Variants in RYR3 observed in about 807,000 individuals in gnomAD.
The protein encoded by RYR3 is brain ryanodine receptor-calcium release channel.
Under a neutral mutation model 584.3 loss-of-function variants are expected in RYR3, and 207 were observed. That is an observed-to-expected ratio of 0.35 (90% CI 0.32 to 0.40). The LOEUF is 0.40. RYR3 is among the 10% of genes least tolerant of loss of function. The probability of loss-of-function intolerance (pLI) is 1.00; values close to 1 mark genes in which losing one functional copy is unlikely to be tolerated. For missense variants in RYR3, 5,616 were observed against 6,089.2 expected (o/e 0.92, Z 2.59); for synonymous variants, 2,416 against 2,248.5 (o/e 1.07, Z -2.11).
chr15:33,313,602 T>C (rs77888814), intron 1 of RYR3, among the ~76,000 whole-genome samples: 1,545 of 152,332 alleles, frequency 0.01, 13 homozygotes, highest in Non-Finnish European at 0.014. Context: ...CACTTTGAAC[T>C]CACTCAGTTA....
intron 96 of RYR3, among the ~76,000 whole-genome samples, chr15:33,854,173 G>A (rs11629862): frequency 0.89 from 133,033 of 149,306 alleles, 60,051 homozygotes; most frequent in East Asian, 1. Flanking sequence ...TCCAGCCTGG[G>A]TGATAGAGTG....
At chr15:33,330,755 A>G (rs1970283436) in intron 1 of RYR3, among the ~76,000 whole-genome samples, 1 of 152,208 alleles carries the variant, frequency 6.6e-6, no homozygotes, top group South Asian at 2.1e-4. Context: ...GCTGCTACTC[A>G]GAGGTACTCT....
At chr15:33,503,393 C>G (rs745398992) in intron 2 of RYR3, among the ~76,000 whole-genome samples, 36 of 152,294 alleles carry the variant, frequency 2.4e-4, no homozygotes, top group Non-Finnish European at 5.0e-4. Context: ...ACCAGCCTTC[C>G]CTCAAGTCGA....
intron 43 of RYR3, among the ~76,000 whole-genome samples, chr15:33,717,253 A>G (rs1038441428): frequency 2.6e-5 from 4 of 152,152 alleles, no homozygotes; most frequent in Admixed American, 6.5e-5. Context: ...AGACTTGTAT[A>G]TCTTGGTTAT....
At chr15:33,457,765 G>A (rs1034072221) in intron 1 of RYR3, among the ~76,000 whole-genome samples, 18 of 152,100 alleles carry the variant, frequency 1.2e-4, no homozygotes, top group African/African-American at 3.6e-4. Context: ...GTGAGGTGGT[G>A]GATACGCTAA....
At chr15:33,500,981 G>A (rs1212890807) in intron 2 of RYR3, among the ~76,000 whole-genome samples, 3 of 152,148 alleles carry the variant, frequency 2.0e-5, no homozygotes, top group African/African-American at 4.8e-5. Context: ...TGTTTTGGGT[G>A]CTGTTGGAGT....
Position 33,857,816 on chromosome 15 carries a change from T to C in RYR3, c.14044T>C (p.Tyr4682His). ...TGTCGGTCTCCTGGCCGTGGTGGTT[T>C]ATCTCTATACTGTGGTGGCTTTCAA... ...LTVGLLAVVV[Y>H]LYTVVAFNFF... Residue 4682 changes from tyrosine to histidine, a missense_variant, in exon 99 of 104, where the codon TAT (tyrosine) becomes CAT (histidine). Coordinates refer to ENST00000634891, the MANE Select transcript of RYR3 (RefSeq NM_001036.6). 1 of 1,614,220 alleles carries C rather than the reference T, an allele frequency of 6.2e-7. No homozygotes were observed. Among genetic ancestry groups the C allele is most frequent in the South Asian group, 1.1e-5 (1 of 91,086 alleles).
At chr15:33,717,544 T>C (rs1313398941) in intron 43 of RYR3, among the ~76,000 whole-genome samples, 1 of 152,200 alleles carries the variant, frequency 6.6e-6, no homozygotes, top group Non-Finnish European at 1.5e-5. Context: ...GGCCACTTTC[T>C]ACTCCAAGTT....
intron 75 of RYR3, 46 bp downstream of exon 75, chr15:33,817,004 T>C: frequency 8.5e-7 from 1 of 1,181,030 alleles, no homozygotes; most frequent in Non-Finnish European, 1.2e-6. Context: ...TGGATGAATT[T>C]GATTTTCGAA....
intron 11 of RYR3, among the ~76,000 whole-genome samples, chr15:33,566,237 C>T (rs1276394433): frequency 6.6e-6 from 1 of 152,210 alleles, no homozygotes; most frequent in Non-Finnish European, 1.5e-5. Context: ...GTTGAGAAAC[C>T]AAGCCTAATC....
intron 21 of RYR3, 59 bp downstream of exon 21, chr15:33,628,634 GTTC>G: frequency 2.8e-6 from 3 of 1,067,260 alleles, no homozygotes; most frequent in South Asian, 2.6e-5. Context: ...GCCTGGAACT[GTTC>G]TTCCTGCTGC....
intron 8 of RYR3, 127 bp from the exon 9 acceptor site, chr15:33,548,003 C>G (rs940004737): frequency 1.5e-6 from 1 of 670,450 alleles, no homozygotes; most frequent in Non-Finnish European, 2.6e-6. Flanking sequence ...TCTGGCTTTG[C>G]ATTCTGCTGA....
intron 84 of RYR3, 145 bp downstream of exon 84, chr15:33,826,897 C>G (rs1009184034): frequency 2.2e-5 from 15 of 682,620 alleles, no homozygotes; most frequent in Admixed American, 2.1e-4. Context: ...ATGTAAATAT[C>G]ATGGCTAGTG....
chr15:33,553,626 A>G (rs949557934), intron 10 of RYR3, among the ~76,000 whole-genome samples: 1 of 152,120 alleles, frequency 6.6e-6, no homozygotes, highest in African/African-American at 2.4e-5. Context: ...GATCTTGATC[A>G]AGGTCCTCCT....
chr15:33,845,119 T>A lies in RYR3; in HGVS notation c.13497+57T>A, dbSNP rs910925198. ...ACTCCTTGAGGAAGAAATGTCCTTTTTGAGCCCAGCCAGCCCTTTGCTCTA... is the reference window on the plus strand; with the variant it reads ...ACTCCTTGAGGAAGAAATGTCCTTTATGAGCCCAGCCAGCCCTTTGCTCTA... On this transcript the variant is annotated intron_variant, in intron 93 of 103. Transcript: ENST00000634891. The A allele has an allele frequency of 1.9e-6, 3 of 1,576,110 alleles. No individual in the cohort carries two copies. In the African/African-American group the frequency reaches 4.0e-5, roughly 21 times the overall value.
At chr15:33,843,348 G>T in intron 91 of RYR3, 140 bp from the exon 92 acceptor site, 2 of 601,386 alleles carry the variant, frequency 3.3e-6, no homozygotes, top group South Asian at 2.0e-5. Context: ...GAATGCCAGG[G>T]TTACCCTAGA....
intron 19 of RYR3, among the ~76,000 whole-genome samples, chr15:33,614,168 C>A (rs2060334349): frequency 6.6e-6 from 1 of 152,168 alleles, no homozygotes; most frequent in Non-Finnish European, 1.5e-5. Context: ...ACAAAACTGT[C>A]ATCAGCAGAA....
chr15:33,614,532 G>A (rs572168453), intron 19 of RYR3, among the ~76,000 whole-genome samples: 4 of 152,024 alleles, frequency 2.6e-5, no homozygotes, highest in African/African-American at 4.8e-5. Flanking sequence ...TTTTTATTAC[G>A]AATGTGGTGA....
At chr15:33,626,779 C>T (rs1354668278) in intron 20 of RYR3, among the ~76,000 whole-genome samples, 1 of 152,194 alleles carries the variant, frequency 6.6e-6, no homozygotes, top group Non-Finnish European at 1.5e-5. Context: ...GTGCAAGCCC[C>T]AGGCCTTGGT....
Sources: gnomAD v4.1 joint callset for allele counts (sites outside exome capture counted in the v4.1 genomes callset) on GRCh38, gnomAD v4.1.1 for gene constraint, MANE v1.5 for transcripts, NCBI Gene and HGNC (gene_info 2026-07-23, HGNC 2026-07-21) for gene names.